Variants in CREBBP observed in about 807,000 individuals in gnomAD.
CREBBP encodes the protein CREB binding lysine acetyltransferase, also known as CREB-binding protein.
A neutral mutation model predicts 265.0 loss-of-function variants in CREBBP; 19 were observed. The observed-to-expected ratio is 0.07, with a 90% CI of 0.05 to 0.11. CREBBP has a LOEUF of 0.11. CREBBP is among the 10% of genes least tolerant of loss of function. The pLI, the probability that CREBBP is intolerant of heterozygous loss-of-function variation, is 1.00. For synonymous variants in CREBBP, 1,457 were observed against 1,223.7 expected, an observed-to-expected ratio of 1.19 and a Z score of -3.98; for missense variants, 2,525 against 3,219.0, an observed-to-expected ratio of 0.78 and a Z score of 5.22.
chr16:3,782,979 A>G (rs1215035348), intron 5 of CREBBP, 53 bp from the exon 6 acceptor site: 2 of 1,611,408 alleles, frequency 1.2e-6, no homozygotes, highest in Non-Finnish European at 1.7e-6. Context: ...TAAAAGGGAG[A>G]AGCCCACGAA....
intron 1 of CREBBP, among the ~76,000 whole-genome samples, chr16:3,874,302 G>T (rs559869623): frequency 6.6e-6 from 1 of 152,156 alleles, no homozygotes; most frequent in Non-Finnish European, 1.5e-5. Context: ...GGGCTCTCCC[G>T]GGCTCCACAT....
chr16:3,741,419 T>A (rs956064375), intron 23 of CREBBP: 1 of 152,230 alleles, frequency 6.6e-6, no homozygotes, highest in Non-Finnish European at 1.5e-5. Context: ...GCTAGAAAAT[T>A]TAGACCAAAC....
chr16:3,744,965 C>A lies in CREBBP; in HGVS notation c.3915-4G>T. ...CAAGCAGTTGTCGCACACAAAACTG[C>A]AAAATAATAGTGGTATGATGAGACT... On this transcript the variant is annotated splice_polypyrimidine_tract_variant and splice_region_variant and intron_variant, in intron 22 of 30. Transcript: ENST00000262367. 1 of 1,609,042 alleles carries A rather than the reference C, an allele frequency of 6.2e-7. No homozygotes were observed. The highest frequency in any genetic ancestry group is 8.5e-7 in the Non-Finnish European group (1 of 1,175,456).
chr16:3,771,663 T>C (rs2141207415), intron 13 of CREBBP, among the ~76,000 whole-genome samples: 1 of 152,062 alleles, frequency 6.6e-6, no homozygotes, highest in East Asian at 1.9e-4. Flanking sequence ...ACAACCAAGG[T>C]GGACACTCAG....
Position 3,853,961 on chromosome 16 carries a change from A to AACAC in CREBBP, c.86-2956_86-2953dup, listed in dbSNP as rs371504662. Among the ~76,000 whole-genome samples, 96 of 145,226 alleles carry AACAC rather than the reference A, an allele frequency of 6.6e-4. 1 individual carries two copies. Among genetic ancestry groups the AACAC allele is most frequent in the South Asian group, 5.1e-3 (24 of 4,678 alleles). On this transcript the variant is annotated intron_variant, in intron 1 of 30. Transcript: ENST00000262367. ...TCAAAAACAAACAAACAAACAAACA[A>AACAC]ACACACACACACACACACACACGAA...
At chr16:3,754,982 TACTCAGTCAGATACACTGTTCTA>T (rs2052555820) in intron 19 of CREBBP, among the ~76,000 whole-genome samples, 2 of 152,208 alleles carry the variant, frequency 1.3e-5, no homozygotes, top group African/African-American at 4.8e-5. Flanking sequence ...TATGCTAACC[TACTCAGTCAGATACACTGTTCTA>T]GAGAGCATGC....
intron 9 of CREBBP, 107 bp from the exon 10 acceptor site, chr16:3,778,289 CA>C (rs1424868582): frequency 1.1e-6 from 1 of 914,318 alleles, no homozygotes; most frequent in Non-Finnish European, 1.7e-6. Flanking sequence ...AGTACACTGG[CA>C]AAAGTAGTAT....
At chr16:3,827,641 T>C (rs896094929) in intron 2 of CREBBP, among the ~76,000 whole-genome samples, 3 of 152,194 alleles carry the variant, frequency 2.0e-5, no homozygotes, top group African/African-American at 7.2e-5. Context: ...TCCACCCACC[T>C]CAGCCTCCCA....
rs1395715531 is a variant in CREBBP, at chr16:3,736,193, T to C, written c.4571A>G (p.Lys1524Arg). 6.2e-7 allele frequency: 1 copy of C among 1,614,118 alleles called. No homozygotes were observed. The highest frequency in any genetic ancestry group is 1.3e-5 in the African/African-American group (1 of 74,948). The stretch of plus-strand genomic sequence containing the variant: ...GGTGAGCCTGTCTTCAGTTGCTTGT[T>C]TGAAAATATCCTGAGTGGGCAAAGC... ...RIIHDYKDIF[K>R]QATEDRLTSA... Residue 1524 changes from lysine to arginine, a missense_variant, in exon 28 of 31, where the codon AAA (lysine) becomes AGA (arginine). Physicochemically the swap from Lys to Arg is conservative, Grantham distance 26 (BLOSUM62 2). Around this residue, in one of 19 missense-constraint regions of CREBBP, gnomAD observed 93 missense variants for 161.5 expected, o/e 0.58. Coordinates refer to ENST00000262367, the MANE Select transcript of CREBBP (RefSeq NM_004380.3).
At chr16:3,854,649 C>G (rs185693157) in intron 1 of CREBBP, among the ~76,000 whole-genome samples, 1 of 152,354 alleles carries the variant, frequency 6.6e-6, no homozygotes. Flanking sequence ...CCCCTACTTT[C>G]CAGCCACAAC....
rs1007648301 is a variant in CREBBP, at chr16:3,810,012, T to A, written c.975+591A>T. On this transcript the variant is annotated intron_variant, in intron 3 of 30. Coordinates refer to ENST00000262367, the MANE Select transcript of CREBBP (RefSeq NM_004380.3). ...TGTTTTGAAATAAAAGAGATTCTATTATTTGGTGGTGCAAAAGGAGATATT... is the reference window on the plus strand; with the variant it reads ...TGTTTTGAAATAAAAGAGATTCTATAATTTGGTGGTGCAAAAGGAGATATT... Among the ~76,000 whole-genome samples, 18 of 152,290 alleles carry A rather than the reference T, an allele frequency of 1.2e-4. No individual in the cohort carries two copies. The East Asian group carries it at 3.5e-3, about 29-fold the overall frequency.
chr16:3,837,715 T>C (rs1422018110), intron 2 of CREBBP, among the ~76,000 whole-genome samples: 1 of 151,794 alleles, frequency 6.6e-6, no homozygotes, highest in East Asian at 1.9e-4. Flanking sequence ...CTGTACAATG[T>C]GTTTAGTGTT....
Position 3,791,961 on chromosome 16 carries a change from C to T in CREBBP, c.1330+20G>A. The T allele has an allele frequency of 6.3e-7, 1 of 1,577,244 alleles. No individual in the cohort carries two copies. The highest frequency in any genetic ancestry group is 8.7e-7 in the Non-Finnish European group (1 of 1,146,338). On this transcript the variant is annotated intron_variant, in intron 5 of 30. Coordinates refer to ENST00000262367, the MANE Select transcript of CREBBP (RefSeq NM_004380.3). ...CTTCTATTCTCATCTCCAAGCTTCT[C>T]TGCCCCCGTGCTCACTTACTTTGTT...
rs141651423 is a variant in CREBBP, at chr16:3,770,600, C to A, written c.2850G>T (p.Thr950=). Residue 950 remains threonine, a synonymous_variant, in exon 14 of 31, where the codon ACG becomes ACT. Coordinates refer to ENST00000262367, the MANE Select transcript of CREBBP (RefSeq NM_004380.3). ...ATPQSSQQQP[T]PVHAQPPGTP... Reference sequence around the variant, plus strand: ...TGCCAGGAGGCTGGGCGTGCACAGGCGTCGGCTGTTGCTGCGATGACTGAG... The same window carrying A: ...TGCCAGGAGGCTGGGCGTGCACAGGAGTCGGCTGTTGCTGCGATGACTGAG... The A allele has an allele frequency of 6.2e-7, 1 of 1,613,598 alleles. No homozygotes were observed.
At chr16:3,770,469 T>C (rs529614994) in intron 14 of CREBBP, 101 bp downstream of exon 14, 20 of 1,332,674 alleles carry the variant, frequency 1.5e-5, no homozygotes, top group Non-Finnish European at 2.0e-5. Flanking sequence ...GTGCTGAAAT[T>C]ATAGGTGTGA....
In CREBBP at chr16:3,731,372, G is replaced by C. The variant is rs756979739; in HGVS notation, c.4992C>G (p.Arg1664=). 17 of 1,612,532 alleles carry C rather than the reference G, an allele frequency of 1.1e-5. No homozygotes were observed. The highest frequency in any genetic ancestry group is 1.1e-5 in the Non-Finnish European group (13 of 1,179,466). The change falls in exon 30 of 31, where the codon CGC becomes CGG. Residue 1664 remains arginine (R), a synonymous_variant. Coordinates refer to ENST00000262367, the MANE Select transcript of CREBBP (RefSeq NM_004380.3). This position sits in a 1 kb window ranked among gnomAD's most constrained non-coding sequence, Gnocchi z 7.7. ...CTCTGGCGAGGGTGAGGAAGGCGTC[G>C]CGCCCATCCATGAGGTCACAGCTGA... is the stretch of plus-strand genomic sequence containing the variant. ...PLLSCDLMDG[R]DAFLTLARDK...
At chr16:3,833,759 T>C (rs950477359) in intron 2 of CREBBP, among the ~76,000 whole-genome samples, 3 of 152,220 alleles carry the variant, frequency 2.0e-5, no homozygotes, top group South Asian at 2.1e-4. Flanking sequence ...GAAAGTTTCA[T>C]CTATGAAACT....
chr16:3,818,719 A>G (rs1262168621), intron 2 of CREBBP, among the ~76,000 whole-genome samples: 3 of 152,182 alleles, frequency 2.0e-5, no homozygotes, highest in Non-Finnish European at 2.9e-5. Flanking sequence ...TCAAGCCACA[A>G]TACACAGCAG....
chr16:3,793,996 C>T (rs2053556154), intron 3 of CREBBP, among the ~76,000 whole-genome samples: 2 of 152,182 alleles, frequency 1.3e-5, no homozygotes, highest in African/African-American at 2.4e-5. Context: ...AATGGCCAAA[C>T]ACTGGCAATT....
Sources: allele counts gnomAD v4.1 joint callset (sites outside exome capture counted in the v4.1 genomes callset), GRCh38; gene constraint gnomAD v4.1.1; regional missense constraint gnomAD v4.1.1; non-coding constraint Gnocchi (gnomAD v3.1); transcripts MANE v1.5; gene names NCBI Gene and HGNC (gene_info 2026-07-23, HGNC 2026-07-21).